The following AR variants were observed in gnomAD, a reference collection of about 807,000 sequenced individuals.
AR encodes the protein dihydrotestosterone receptor.
Under a neutral mutation model 53.9 loss-of-function variants are expected in AR, and 8 were observed. The observed-to-expected ratio is 0.15, with a 90% CI of 0.09 to 0.27. The LOEUF (loss-of-function observed/expected upper bound fraction) is 0.27. Among genes scored for constraint, AR ranks in the 10% least tolerant of loss-of-function variants. The pLI is 1.00. For missense variants in AR, 639 were observed against 742.5 expected, an observed-to-expected ratio of 0.86 and a Z score of 1.62; for synonymous variants, 359 against 316.4, an observed-to-expected ratio of 1.13 and a Z score of -1.43.
chrX:67,573,476 T>G (rs1921913259), intron 1 of AR, among the ~76,000 whole-genome samples: 1 of 111,614 alleles, frequency 9.0e-6, no homozygotes, highest in South Asian at 3.8e-4. Context: ...CACAAATGGA[T>G]TGGTTTTCTG....
rs397737842 is a variant in AR, at chrX:67,728,186, T to TC, written c.*4348dup. 8.9e-5 allele frequency: 15 copies of TC among 167,896 alleles called. No homozygotes were observed. The highest frequency in any genetic ancestry group is 5.0e-4 in the East Asian group (6 of 11,945). The allele number at this position is 167,896 out of a possible 1,213,427, so 13.8% of individuals were successfully genotyped here. Reference sequence around the variant, plus strand: ...TATAAGAGCTTTGTGGGTTTTTTTTTCCCTAATAATATACATGTTTAGAAG... The same window carrying TC: ...TATAAGAGCTTTGTGGGTTTTTTTTTCCCCTAATAATATACATGTTTAGAAG... On this transcript the variant is annotated 3_prime_UTR_variant, in exon 8 of 8. Transcript: ENST00000374690.
rs772148792 is a variant in AR, at chrX:67,545,181, C to T, written c.35C>T (p.Pro12Leu). The T allele has an allele frequency of 7.5e-6, 9 of 1,204,282 alleles. No homozygotes were observed. The highest frequency in any genetic ancestry group is 9.0e-6 in the Non-Finnish European group (8 of 892,950). Reference protein sequence around the residue: ...EVQLGLGRVYPRPPSKTYRGA... With the variant: ...EVQLGLGRVYLRPPSKTYRGA... ...CAGTTAGGGCTGGGAAGGGTCTACC[C>T]TCGGCCGCCGTCCAAGACCTACCGA... The change falls in exon 1 of 8, where the codon CCT (proline) becomes CTT (leucine). Residue 12 changes from proline to leucine, a missense_variant. Pro to Leu is a moderately conservative substitution (Grantham distance 98). Coordinates refer to ENST00000374690, the MANE Select transcript of AR (RefSeq NM_000044.6).
chrX:67,675,637 A>G (rs1367756387), intron 2 of AR, among the ~76,000 whole-genome samples: 1 of 111,802 alleles, frequency 8.9e-6, no homozygotes, highest in East Asian at 2.8e-4. Flanking sequence ...GCCTGCTCTG[A>G]ACACCATGTG....
chrX:67,582,624 T>A (rs979384299), intron 1 of AR, among the ~76,000 whole-genome samples: 1 of 111,848 alleles, frequency 8.9e-6, no homozygotes, highest in Non-Finnish European at 1.9e-5. Flanking sequence ...CTAAAGATAC[T>A]GATTCTCAGT....
chrX:67,701,869 C>T (rs891207620), intron 3 of AR, among the ~76,000 whole-genome samples: 1 of 112,188 alleles, frequency 8.9e-6, no homozygotes, highest in African/African-American at 3.2e-5. Flanking sequence ...GGGCAGATGA[C>T]TGGAGTATTC....
intron 1 of AR, among the ~76,000 whole-genome samples, chrX:67,581,355 C>A (rs771359280): frequency 9.0e-6 from 1 of 111,502 alleles, no homozygotes; most frequent in South Asian, 3.8e-4. Context: ...TTTTAAGAGG[C>A]ATATCTTATT....
chrX:67,695,206 T>C (rs1297928150), intron 3 of AR: 1 of 753,339 alleles, frequency 1.3e-6, no homozygotes, highest in Non-Finnish European at 1.6e-6. Flanking sequence ...TGTGGCCATC[T>C]TTATTTGTGT....
chrX:67,601,958 C>T (rs1480434597), intron 1 of AR, among the ~76,000 whole-genome samples: 1 of 111,623 alleles, frequency 9.0e-6, no homozygotes, highest in Non-Finnish European at 1.9e-5. Context: ...CCCCTGCCTT[C>T]CATTTTAGTG....
chrX:67,712,240 T>C (rs1229755023), intron 4 of AR, among the ~76,000 whole-genome samples: 1 of 112,209 alleles, frequency 8.9e-6, no homozygotes, highest in Non-Finnish European at 1.9e-5. Flanking sequence ...TCAATTTCTC[T>C]ATCTGTATAA....
At chrX:67,584,786 G>T (rs1301297323) in intron 1 of AR, among the ~76,000 whole-genome samples, 1 of 111,778 alleles carries the variant, frequency 8.9e-6, no homozygotes, top group African/African-American at 3.3e-5. Flanking sequence ...TTCTTTGTTT[G>T]CAAGGCTGAC....
chrX:67,643,124 TCA>T (rs1925872134), intron 1 of AR, 130 bp from the exon 2 acceptor site: 8 of 817,166 alleles, frequency 9.8e-6, no homozygotes, highest in African/African-American at 2.0e-5. Context: ...AAATTCAGCT[TCA>T]CACTAACTAA....
At chrX:67,618,743 G>A (rs1331911493) in intron 1 of AR, among the ~76,000 whole-genome samples, 3 of 111,181 alleles carry the variant, frequency 2.7e-5, no homozygotes, top group African/African-American at 9.8e-5. Context: ...GCTGAGACCT[G>A]AGTTATGAGA....
chrX:67,625,032 A>T (rs778407538), intron 1 of AR, among the ~76,000 whole-genome samples: 2 of 109,736 alleles, frequency 1.8e-5, no homozygotes, highest in South Asian at 7.7e-4. Flanking sequence ...TAAGGAATCC[A>T]TGATAAACTA....
intron 2 of AR, among the ~76,000 whole-genome samples, chrX:67,648,460 A>G (rs1926160553): frequency 8.9e-6 from 1 of 111,770 alleles, no homozygotes; most frequent in African/African-American, 3.3e-5. Context: ...TCTCATAGAA[A>G]GTAGATCCCA....
At chrX:67,608,137 A>G (rs1461092070) in intron 1 of AR, among the ~76,000 whole-genome samples, 1 of 112,253 alleles carries the variant, frequency 8.9e-6, no homozygotes, top group Non-Finnish European at 1.9e-5. Context: ...TTTGTAGTCA[A>G]TGGAAATACA....
chrX:67,634,159 C>A (rs1321263787), intron 1 of AR, among the ~76,000 whole-genome samples: 5 of 110,732 alleles, frequency 4.5e-5, no homozygotes, highest in Admixed American at 3.9e-4. Context: ...GGAAATAGTC[C>A]CAAGTATAAT....
rs765076874 is a variant in AR at position 67,722,422 on chromosome X, C to A, written c.2450-405C>A. ...TTTGTATGGCAGCCAAGGAACTTTTCTTTAATATCTTTTCTAAGAGCCCTC... is the reference window on the plus strand; with the variant it reads ...TTTGTATGGCAGCCAAGGAACTTTTATTTAATATCTTTTCTAAGAGCCCTC... On this transcript the variant is annotated intron_variant, in intron 6 of 7. Coordinates refer to ENST00000374690, the MANE Select transcript of AR (RefSeq NM_000044.6). Among the ~76,000 whole-genome samples, 7 of 111,899 alleles carry A rather than the reference C, an allele frequency of 6.3e-5. No homozygotes were observed. In the South Asian group the frequency reaches 2.7e-3, roughly 43 times the overall value.
intron 3 of AR, among the ~76,000 whole-genome samples, chrX:67,691,017 T>G (rs1418272688): frequency 8.9e-6 from 1 of 112,029 alleles, no homozygotes; most frequent in Non-Finnish European, 1.9e-5. Context: ...TTGAAAATCT[T>G]TGAGCATGGG....
intron 3 of AR, among the ~76,000 whole-genome samples, chrX:67,711,116 G>A (rs944381839): frequency 1.8e-5 from 2 of 112,260 alleles, no homozygotes; most frequent in Non-Finnish European, 3.8e-5. Context: ...GAATACTGAA[G>A]GCTGCATTCA....
Sources: allele counts gnomAD v4.1 joint callset (sites outside exome capture counted in the v4.1 genomes callset), GRCh38; gene constraint gnomAD v4.1.1; transcripts MANE v1.5; gene names NCBI Gene and HGNC (gene_info 2026-07-23, HGNC 2026-07-21).